The following ACTR3C variants were observed in gnomAD, a reference collection of about 807,000 sequenced individuals.
ACTR3C encodes actin-related protein 3C.
ACTR3C carries 18 observed loss-of-function variants against 26.3 expected under a neutral mutation model. That is an observed-to-expected ratio of 0.68 (90% CI 0.47 to 1.01). The LOEUF is 1.01. ACTR3C is among the 50% of genes least tolerant of loss of function. The pLI, the probability that ACTR3C is intolerant of heterozygous loss-of-function variation, is 0.00. For missense variants in ACTR3C, 184 were observed against 250.7 expected (o/e 0.73, Z 1.80); for synonymous variants, 55 against 94.5 (o/e 0.58, Z 2.42).
At chr7:150,030,747 A>G in the ACTR3C span, among the ~76,000 whole-genome samples, 7 of 151,890 alleles carry the variant, frequency 4.6e-5, no homozygotes, top group East Asian at 1.9e-4. Context: ...CCCTTCCCAC[A>G]CACCCCTCCC....
the ACTR3C span, among the ~76,000 whole-genome samples, chr7:150,175,301 G>T: frequency 6.9e-6 from 1 of 145,588 alleles, no homozygotes; most frequent in South Asian, 2.1e-4. Flanking sequence ...AATTTTCCTG[G>T]TAAACAGATC....
chr7:150,110,923 G>A, the ACTR3C span, among the ~76,000 whole-genome samples: 1 of 148,684 alleles, frequency 6.7e-6, no homozygotes, highest in Non-Finnish European at 1.5e-5. Context: ...GGACTGTCAG[G>A]TCAGGGGACA....
the ACTR3C span, among the ~76,000 whole-genome samples, chr7:149,930,600 C>T: frequency 1.3e-5 from 2 of 152,174 alleles, no homozygotes; most frequent in African/African-American, 2.4e-5. Context: ...ATATGGTTTC[C>T]ATTTGTTAAT....
At chr7:150,290,240 G>A (rs1836130251) in intron 3 of ACTR3C, among the ~76,000 whole-genome samples, 1 of 152,180 alleles carries the variant, frequency 6.6e-6, no homozygotes, top group Non-Finnish European at 1.5e-5. Flanking sequence ...CTAAGCCAGT[G>A]AAGGCATGTC....
chr7:150,105,083 T>G, the ACTR3C span, among the ~76,000 whole-genome samples: 1 of 150,834 alleles, frequency 6.6e-6, no homozygotes, highest in Non-Finnish European at 1.5e-5. Context: ...CATTCTTTTT[T>G]TCTTTTTTTT....
chr7:150,150,494 G>T, the ACTR3C span, among the ~76,000 whole-genome samples: 3 of 149,270 alleles, frequency 2.0e-5, no homozygotes, highest in African/African-American at 7.3e-5. Flanking sequence ...ATGCAGAGGG[G>T]TGTTAGGGGA....
the ACTR3C span, among the ~76,000 whole-genome samples, chr7:150,110,801 G>C: frequency 1.5e-5 from 2 of 135,104 alleles, no homozygotes; most frequent in Non-Finnish European, 3.2e-5. Context: ...AAGGCCGGCA[G>C]GGGGCAGGAC....
intron 2 of ACTR3C, 27 bp from the exon 3 acceptor site, chr7:150,293,446 G>A (rs200595381): frequency 0.077 from 117,991 of 1,539,038 alleles, 4,910 homozygotes; most frequent in African/African-American, 0.24. Flanking sequence ...AAAACCGCTC[G>A]CACATAGGAA....
At chr7:150,034,977 G>A in the ACTR3C span, among the ~76,000 whole-genome samples, 163 of 147,496 alleles carry the variant, frequency 1.1e-3, 3 homozygotes, top group African/African-American at 3.4e-3. Context: ...CACTCTCGTG[G>A]GGGGTGCCTC....
At chr7:150,221,723 G>A in the ACTR3C span, among the ~76,000 whole-genome samples, 54 of 152,186 alleles carry the variant, frequency 3.5e-4, 3 homozygotes, top group East Asian at 0.01. Context: ...GGCCGGGCAC[G>A]GTGGCTCACG....
At chr7:150,118,955 A>AG in the ACTR3C span, among the ~76,000 whole-genome samples, 11 of 150,722 alleles carry the variant, frequency 7.3e-5, no homozygotes, top group East Asian at 2.1e-3. Flanking sequence ...AAAAAAAAAA[A>AG]CTCAACCCAG....
At chr7:149,970,149 A>G in the ACTR3C span, among the ~76,000 whole-genome samples, 1 of 152,144 alleles carries the variant, frequency 6.6e-6, no homozygotes, top group African/African-American at 2.4e-5. Context: ...TTGGCATACA[A>G]ATCCTTTTCA....
chr7:150,174,070 A>G, the ACTR3C span, among the ~76,000 whole-genome samples: 1 of 138,554 alleles, frequency 7.2e-6, no homozygotes, highest in Non-Finnish European at 1.5e-5. Context: ...AACTGTTCCA[A>G]CCTCTGCCTC....
intron 6 of ACTR3C, among the ~76,000 whole-genome samples, chr7:150,259,900 A>T (rs1439402934): frequency 1.3e-5 from 2 of 152,088 alleles, no homozygotes; most frequent in Non-Finnish European, 2.9e-5. Context: ...TACCCCATAG[A>T]ATTAGTATGT....
chr7:150,293,130 C>A (rs1470844249), intron 3 of ACTR3C, among the ~76,000 whole-genome samples, 182 bp downstream of exon 3: 668 of 149,324 alleles, frequency 4.5e-3, no homozygotes, highest in African/African-American at 0.012. Context: ...TTCCCACATA[C>A]TTGGGGAATT....
At chr7:150,101,143 G>A in the ACTR3C span, among the ~76,000 whole-genome samples, 8 of 151,654 alleles carry the variant, frequency 5.3e-5, no homozygotes, top group South Asian at 4.2e-4. Context: ...GTGAGCACTC[G>A]GCAAGTACTC....
At chr7:150,025,076 A>C in the ACTR3C span, among the ~76,000 whole-genome samples, 13 of 150,892 alleles carry the variant, frequency 8.6e-5, no homozygotes, top group Non-Finnish European at 1.5e-4. Flanking sequence ...AGCCTTTCTC[A>C]TGAAAATCCT....
chr7:150,035,163 A>G, the ACTR3C span, among the ~76,000 whole-genome samples: 43 of 125,736 alleles, frequency 3.4e-4, 2 homozygotes, highest in South Asian at 2.4e-3. Context: ...GTCCTAAGCC[A>G]GGGGGGGAAG....
the ACTR3C span, among the ~76,000 whole-genome samples, chr7:150,118,273 T>C: frequency 8.5e-5 from 13 of 152,098 alleles, no homozygotes; most frequent in African/African-American, 3.1e-4. Context: ...AGGTGGATAA[T>C]AACAAAATCC....
Sources: allele counts gnomAD v4.1 joint callset (sites outside exome capture counted in the v4.1 genomes callset), GRCh38; gene constraint gnomAD v4.1.1; transcripts MANE v1.5; gene names NCBI Gene and HGNC (gene_info 2026-07-23, HGNC 2026-07-21).